RARB: variants seen among roughly 807,000 people sequenced by gnomAD.
RARB encodes the protein HBV-activated protein.
RARB carries 17 observed loss-of-function variants against 51.9 expected under a neutral mutation model. The observed-to-expected ratio is 0.33, with a 90% confidence interval of 0.22 to 0.49. The LOEUF is 0.49. Ranked by LOEUF, RARB falls within the 20% of genes least tolerant of loss-of-function variation. The pLI, the probability that RARB is intolerant of heterozygous loss-of-function variation, is 0.99. For missense variants in RARB, 369 were observed against 550.8 expected, an observed-to-expected ratio of 0.67 and a Z score of 3.30; for synonymous variants, 215 against 195.4, an observed-to-expected ratio of 1.10 and a Z score of -0.84.
chr3:25,492,760 C>G (rs1386879095), intron 2 of RARB, among the ~76,000 whole-genome samples: 1 of 152,158 alleles, frequency 6.6e-6, no homozygotes, highest in East Asian at 1.9e-4. Flanking sequence ...TTCAGGCTTT[C>G]TTTTCTAATA....
intron 2 of RARB, among the ~76,000 whole-genome samples, chr3:25,491,938 C>CT: frequency 1.0e-5 from 1 of 97,666 alleles, no homozygotes; most frequent in South Asian, 2.6e-4. Flanking sequence ...GAGACTCTGT[C>CT]TCAAAAAAAA....
intron 4 of RARB, among the ~76,000 whole-genome samples, chr3:25,574,491 G>A (rs1328628841): frequency 1.3e-5 from 2 of 152,242 alleles, no homozygotes; most frequent in Admixed American, 1.3e-4. Context: ...GTAAACTAGC[G>A]TGGGTGTGAC....
chr3:25,167,057 G>A (rs1700572130), intron 4 of RARB, among the ~76,000 whole-genome samples: 2 of 152,172 alleles, frequency 1.3e-5, no homozygotes, highest in African/African-American at 4.8e-5. Flanking sequence ...ACAAGGGAAT[G>A]CCAATTTAGA....
At position 25,167,819 on chromosome 3, in the gene RARB, C is replaced by T. The variant is rs376840616; in HGVS notation, c.-279-6300C>T. Among the ~76,000 whole-genome samples, 19 of 152,266 alleles carry T rather than the reference C, an allele frequency of 1.2e-4. 1 individual carries two copies. In the Middle Eastern group the frequency reaches 0.01, roughly 82 times the overall value. ...TTCATAGTAAGTCCACCAGCAGCCC[C>T]AGCCTTATTCCTCCATTCGAATACT... On this transcript the variant is annotated intron_variant, in intron 4 of 11. Coordinates refer to the RARB transcript ENST00000383772.
chr3:25,510,543 A>G (rs1443051492), intron 3 of RARB, among the ~76,000 whole-genome samples: 2 of 151,988 alleles, frequency 1.3e-5, no homozygotes, highest in African/African-American at 2.4e-5. Context: ...CAAGAATTAC[A>G]TGAACCCAGG....
chr3:25,360,900 T>C (rs1277893481), intron 5 of RARB, among the ~76,000 whole-genome samples: 1 of 152,242 alleles, frequency 6.6e-6, no homozygotes, highest in Admixed American at 6.5e-5. Context: ...TCTCTCTGGC[T>C]GCCCTTAACA....
intron 3 of RARB, among the ~76,000 whole-genome samples, chr3:25,111,924 T>A (rs972853768): frequency 2.6e-5 from 4 of 152,106 alleles, no homozygotes; most frequent in African/African-American, 7.2e-5. Context: ...ATAATAAACC[T>A]TTGATTTGGA....
At chr3:25,082,634 GTTA>G (rs1390502319) in intron 3 of RARB, among the ~76,000 whole-genome samples, 1 of 151,898 alleles carries the variant, frequency 6.6e-6, no homozygotes, top group African/African-American at 2.4e-5. Context: ...AGAGCACATT[GTTA>G]TTATTCTTGC....
intron 5 of RARB, among the ~76,000 whole-genome samples, chr3:25,338,512 C>G (rs957370346): frequency 7.9e-5 from 12 of 152,114 alleles, no homozygotes; most frequent in Non-Finnish European, 4.4e-5. Context: ...GATGGTTTGG[C>G]TGGAATCATT....
intron 5 of RARB, among the ~76,000 whole-genome samples, chr3:25,394,278 A>T (rs918730582): frequency 1.3e-5 from 2 of 151,926 alleles, no homozygotes; most frequent in Non-Finnish European, 2.9e-5. Context: ...TTATAATTTC[A>T]ATTTCCTTAC....
intron 2 of RARB, among the ~76,000 whole-genome samples, chr3:25,058,787 T>C (rs1241607966): frequency 6.6e-6 from 1 of 151,836 alleles, no homozygotes; most frequent in Non-Finnish European, 1.5e-5. Context: ...ACATGATTTT[T>C]GAATTATTAA....
Position 25,290,830 on chromosome 3 carries a change from C to G in RARB, c.178+116255C>G, listed in dbSNP as rs577060465. On this transcript the variant is annotated intron_variant, in intron 5 of 11. Transcript: ENST00000383772. ...CTTGGCTTTTCCCTCTCTCTCCCCT[C>G]TTCTCTTGCTTTCCCCAGAACATAA... 4.6e-5 allele frequency among the ~76,000 whole-genome samples: 7 copies of G among 152,318 alleles called. No individual in the cohort carries two copies. In the South Asian group the frequency reaches 6.2e-4, roughly 14 times the overall value.
rs191715482 is a variant in RARB, at chr3:25,362,770, C to T, written c.179-98423C>T. ...GCTTCCTGGGTGAAGCAGTGCCCCA[C>T]CCTGCTTTGGCTCATCCTTCATGGG... On this transcript the variant is annotated intron_variant, in intron 5 of 11. Coordinates refer to the RARB transcript ENST00000383772. 3.0e-3 allele frequency among the ~76,000 whole-genome samples: 450 copies of T among 152,274 alleles called. 8 individuals are homozygous for T. The highest frequency in any genetic ancestry group is 0.01 in the African/African-American group (423 of 41,566).
At chr3:25,550,204 C>G (rs1218819858) in intron 3 of RARB, among the ~76,000 whole-genome samples, 3 of 152,160 alleles carry the variant, frequency 2.0e-5, no homozygotes, top group African/African-American at 4.8e-5. Flanking sequence ...TAAAATCTGT[C>G]TACATTTTTG....
rs115926677 is a variant in RARB, at chr3:25,303,986, G to A, written c.178+129411G>A. ...CCTGCTATGAAAAAGAACACTGAAC[G>A]GCCCCAAAGCTCCAGAAAAAATGGA... On this transcript the variant is annotated intron_variant, in intron 5 of 11. Transcript: ENST00000383772. Among the ~76,000 whole-genome samples, 604 of 152,098 alleles carry A rather than the reference G, an allele frequency of 4.0e-3. 4 individuals are homozygous for A. Among genetic ancestry groups the A allele is most frequent in the African/African-American group, 0.014 (586 of 41,496 alleles).
intron 2 of RARB, among the ~76,000 whole-genome samples, chr3:25,007,605 CA>C (rs1279154112): frequency 1.6e-5 from 1 of 60,638 alleles, no homozygotes; most frequent in African/African-American, 5.8e-5. Context: ...AAAAAAAAAA[CA>C]AAAAAACCTC....
chr3:25,064,721 A>C (rs939773243), intron 3 of RARB, among the ~76,000 whole-genome samples: 19 of 152,206 alleles, frequency 1.2e-4, no homozygotes, highest in African/African-American at 4.6e-4. Context: ...ATGTAGCTAG[A>C]AAATGACAGA....
chr3:25,520,828 A>G (rs1698370858), intron 3 of RARB, among the ~76,000 whole-genome samples: 1 of 152,190 alleles, frequency 6.6e-6, no homozygotes, highest in Non-Finnish European at 1.5e-5. Context: ...TGAAGCCTTT[A>G]ATAAACTACC....
At chr3:25,320,874 T>C (rs533720815) in intron 5 of RARB, among the ~76,000 whole-genome samples, 1 of 152,332 alleles carries the variant, frequency 6.6e-6, no homozygotes, top group Admixed American at 6.5e-5. Context: ...AGCCTCAATG[T>C]TCATCACTTA....
Sources: gnomAD v4.1 joint callset for allele counts (sites outside exome capture counted in the v4.1 genomes callset) on GRCh38, gnomAD v4.1.1 for gene constraint, MANE v1.5 for transcripts, NCBI Gene and HGNC (gene_info 2026-07-23, HGNC 2026-07-21) for gene names.